The following MAP7D2 variants were observed in gnomAD, a reference collection of about 807,000 sequenced individuals.
The protein encoded by MAP7D2 is MAP7 domain containing 2.
A neutral mutation model predicts 63.5 loss-of-function variants in MAP7D2; 33 were observed. The ratio of observed to expected loss-of-function variants is 0.52; its 90% CI spans 0.39 to 0.70. The LOEUF is 0.70. MAP7D2 is among the 30% of genes least tolerant of loss of function. The pLI is 0.00. For synonymous variants in MAP7D2, 224 were observed against 223.7 expected (o/e 1.00, Z -0.01); for missense variants, 626 against 604.0 (o/e 1.04, Z -0.38).
chrX:20,072,250 C>A (rs2065522039), intron 1 of MAP7D2, among the ~76,000 whole-genome samples: 1 of 111,484 alleles, frequency 9.0e-6, no homozygotes, highest in Admixed American at 9.6e-5. Flanking sequence ...ATAGCCCCAC[C>A]CCCAACACAC....
At position 20,094,541 on chromosome X, in the gene MAP7D2, T is replaced by C. The variant is rs1327088823; in HGVS notation, c.130+22209A>G. Among the ~76,000 whole-genome samples, 9 of 9,193 alleles carry C rather than the reference T, an allele frequency of 9.8e-4. No homozygotes were observed. The East Asian group carries it at 0.019, about 19-fold the overall frequency. 8.0% of individuals were successfully genotyped at this position (9,193 alleles called of 115,157 possible). ...GTATATATATATATATATATATATA[T>C]GTATATATATATATATATATATATA... is the stretch of plus-strand genomic sequence containing the variant. On this transcript the variant is annotated intron_variant, in intron 1 of 16. Coordinates refer to ENST00000379643, the MANE Select transcript of MAP7D2 (RefSeq NM_001168465.2).
intron 1 of MAP7D2, among the ~76,000 whole-genome samples, chrX:20,090,227 G>A (rs2066029268): frequency 9.1e-6 from 1 of 110,077 alleles, no homozygotes; most frequent in South Asian, 3.9e-4. Context: ...GGGCATGGTG[G>A]CTCACGCATG....
rs774468070 is a variant in MAP7D2 at position 20,010,979 on chromosome X, G to C, written c.2146C>G (p.Leu716Val). 8.3e-6 allele frequency: 10 copies of C among 1,209,224 alleles called. No individual in the cohort carries two copies. The highest frequency in any genetic ancestry group is 1.1e-5 in the Non-Finnish European group (10 of 894,763). ...PVSEMIPGVSLDQNGTGNARA... is the reference protein window; with the variant it reads ...PVSEMIPGVSVDQNGTGNARA... ...GCATTACCAGTTCCATTTTGGTCCA[G>C]AGACACCCCAGGAATCATTTCACTC... Residue 716 changes from leucine to valine, a missense_variant, in exon 16 of 17, where the codon CTG becomes GTG. Coordinates refer to ENST00000379643, the MANE Select transcript of MAP7D2 (RefSeq NM_001168465.2).
chrX:20,028,889 T>C (rs950307334), intron 8 of MAP7D2, among the ~76,000 whole-genome samples: 1 of 112,191 alleles, frequency 8.9e-6, no homozygotes, highest in Non-Finnish European at 1.9e-5. Context: ...CACTTTCTCA[T>C]CCCATAAGCA....
intron 1 of MAP7D2, among the ~76,000 whole-genome samples, chrX:20,092,808 A>G (rs889039049): frequency 8.9e-6 from 1 of 112,772 alleles, no homozygotes; most frequent in Admixed American, 9.4e-5. Flanking sequence ...TTAAATACTG[A>G]TATTTTCAGA....
intron 1 of MAP7D2, among the ~76,000 whole-genome samples, chrX:20,115,162 C>A (rs1411805587): frequency 9.4e-6 from 1 of 106,445 alleles, no homozygotes; most frequent in East Asian, 3.0e-4. Flanking sequence ...AATGATTCTA[C>A]AATAGTTTCC....
Position 20,110,605 on chromosome X carries a change from G to A in MAP7D2, c.130+6145C>T, listed in dbSNP as rs148006690. Among the ~76,000 whole-genome samples the A allele has an allele frequency of 4.2e-3, 434 of 104,270 alleles. 10 individuals are homozygous for A. The East Asian group carries it at 0.091, about 22-fold the overall frequency. 90.5% of individuals were successfully genotyped at this position (104,270 alleles called of 115,157 possible). A position where few individuals can be genotyped will look rare whatever the true frequency, so the allele number is the denominator to read the frequency against. On this transcript the variant is annotated intron_variant, in intron 1 of 16. Transcript: ENST00000379643. ...TTGAACCTGGGAGGTCAAGGCTGCA[G>A]TGAGCTGAGATCGTGCCACTGTACT...
chrX:20,007,708 G>A lies in MAP7D2; in HGVS notation c.*717C>T, dbSNP rs2073050808. On this transcript the variant is annotated 3_prime_UTR_variant, in exon 17 of 17. Coordinates refer to ENST00000379643, the MANE Select transcript of MAP7D2 (RefSeq NM_001168465.2). ...GCATGAAGATTTTAAGGTGTGACAC[G>A]AAAGAGTCCTTGCTAGATTCAGTTG... The A allele has an allele frequency of 8.9e-6, 1 of 111,812 alleles. No individual in the cohort carries two copies. Among genetic ancestry groups the A allele is most frequent in the African/African-American group, 3.3e-5 (1 of 30,725 alleles). 9.2% of individuals were successfully genotyped at this position (111,812 alleles called of 1,213,427 possible). A position where few individuals can be genotyped will look rare whatever the true frequency, so the allele number is the denominator to read the frequency against.
chrX:20,016,930 T>G (rs903594272), intron 10 of MAP7D2, among the ~76,000 whole-genome samples: 1 of 112,612 alleles, frequency 8.9e-6, no homozygotes, highest in Non-Finnish European at 1.9e-5. Context: ...TTTAGCTTTC[T>G]TTGCTATATG....
chrX:20,024,367 A>C (rs73445242), intron 10 of MAP7D2, among the ~76,000 whole-genome samples: 2,918 of 111,646 alleles, frequency 0.026, 98 homozygotes, highest in African/African-American at 0.09. Flanking sequence ...GATGCTCTTC[A>C]AGGTGTAGGG....
chrX:20,048,183 G>A (rs2064850639), intron 6 of MAP7D2, among the ~76,000 whole-genome samples: 1 of 111,722 alleles, frequency 9.0e-6, no homozygotes, highest in Non-Finnish European at 1.9e-5. Flanking sequence ...TGGCTCACAG[G>A]GCATAAACAA....
intron 15 of MAP7D2, 96 bp downstream of exon 15, chrX:20,012,253 G>T: frequency 1.1e-5 from 7 of 659,668 alleles, no homozygotes; most frequent in Non-Finnish European, 1.6e-5. Flanking sequence ...ACCTGCTTTA[G>T]GTGATTTGGT....
chrX:20,012,570 T>C (rs2073240698), intron 14 of MAP7D2, 35 bp from the exon 15 acceptor site: 1 of 1,056,970 alleles, frequency 9.5e-7, no homozygotes, highest in African/African-American at 1.9e-5. Flanking sequence ...GTGTTAATCA[T>C]AAAATGTCTA....
At chrX:20,040,701 T>C (rs1202293974) in intron 8 of MAP7D2, among the ~76,000 whole-genome samples, 4 of 111,526 alleles carry the variant, frequency 3.6e-5, no homozygotes, top group Non-Finnish European at 7.5e-5. Context: ...CACATTAAGT[T>C]TGTCATCTTA....
chrX:20,035,286 C>T (rs1485941629), intron 8 of MAP7D2, among the ~76,000 whole-genome samples: 2 of 111,152 alleles, frequency 1.8e-5, no homozygotes, highest in African/African-American at 3.3e-5. Context: ...AGCAGATGGG[C>T]GGCTCTTTGG....
chrX:20,029,250 G>A (rs114379351), intron 8 of MAP7D2, among the ~76,000 whole-genome samples: 1 of 112,254 alleles, frequency 8.9e-6, no homozygotes, highest in Non-Finnish European at 1.9e-5. Flanking sequence ...GGGCTGGACT[G>A]GGGGGAGTGG....
chrX:20,063,311 C>T (rs929906177), intron 3 of MAP7D2, 103 bp downstream of exon 3: 27 of 914,274 alleles, frequency 3.0e-5, no homozygotes, highest in African/African-American at 8.0e-5. Context: ...AGAAGGTGCA[C>T]GGCAGGTCTC....
chrX:20,029,829 T>TA (rs779437013), intron 8 of MAP7D2, among the ~76,000 whole-genome samples: 1 of 109,450 alleles, frequency 9.1e-6, no homozygotes, highest in East Asian at 2.8e-4. Context: ...AATACAGAAT[T>TA]AAAAAAAAGA....
rs1342797544 is a variant in MAP7D2, at chrX:20,050,849, C to T, written c.693G>A (p.Met231Ile). The change falls in exon 6 of 17, where the codon ATG becomes ATA. Residue 231 changes from methionine to isoleucine, a missense_variant. Transcript: ENST00000379643. Reference protein sequence around the residue: ...SSLARSRASVMLSGQANDSVF... With the variant: ...SSLARSRASVILSGQANDSVF... ...CTGAATCATTGGCCTGCCCAGAGAG[C>T]ATGACTGAAGCTCTGCTTCTGGCTA... 8.4e-7 allele frequency: 1 copy of T among 1,194,800 alleles called. No individual in the cohort carries two copies. Among genetic ancestry groups the T allele is most frequent in the East Asian group, 3.0e-5 (1 of 33,383 alleles).
Sources: allele counts gnomAD v4.1 joint callset (sites outside exome capture counted in the v4.1 genomes callset), GRCh38; gene constraint gnomAD v4.1.1; transcripts MANE v1.5; gene names NCBI Gene and HGNC (gene_info 2026-07-23, HGNC 2026-07-21).